NRXN1: variants seen among roughly 807,000 people sequenced by gnomAD.
NRXN1 encodes the protein neurexin-1.
Under a neutral mutation model 150.9 loss-of-function variants are expected in NRXN1, and 39 were observed. The ratio of observed to expected loss-of-function variants is 0.26; its 90% CI spans 0.20 to 0.34. The LOEUF is 0.34. NRXN1 is among the 10% of genes least tolerant of loss of function. The pLI is 1.00. For synonymous variants in NRXN1, 924 were observed against 757.0 expected (o/e 1.22, Z -3.62); for missense variants, 1,815 against 1,949.9 (o/e 0.93, Z 1.30).
intron 15 of NRXN1, among the ~76,000 whole-genome samples, chr2:50,495,380 G>GTGTGGT (rs1262524763): frequency 3.9e-4 from 7 of 17,742 alleles, no homozygotes; most frequent in African/African-American, 9.1e-4. Context: ...GTGTGTGTGT[G>GTGTGGT]GTGTGTGTGT....
At chr2:50,236,097 T>G (rs2065391672) in intron 18 of NRXN1, among the ~76,000 whole-genome samples, 1 of 152,040 alleles carries the variant, frequency 6.6e-6, no homozygotes, top group South Asian at 2.1e-4. Flanking sequence ...TATGGCAACT[T>G]TCAAAGGAAA....
chr2:50,305,596 A>G (rs1405172395), intron 17 of NRXN1, among the ~76,000 whole-genome samples: 1 of 152,228 alleles, frequency 6.6e-6, no homozygotes, highest in African/African-American at 2.4e-5. Context: ...AATACTAAAT[A>G]TCCAATGCCC....
chr2:50,042,983 C>G (rs1691246244), intron 21 of NRXN1, among the ~76,000 whole-genome samples: 1 of 151,916 alleles, frequency 6.6e-6, no homozygotes, highest in African/African-American at 2.4e-5. Context: ...AGTCGCAAAA[C>G]AAGAAAAGGA....
chr2:50,618,706 G>T (rs1029414620), intron 8 of NRXN1, among the ~76,000 whole-genome samples: 1 of 151,242 alleles, frequency 6.6e-6, no homozygotes, highest in Non-Finnish European at 1.5e-5. Context: ...ATTTTGTGAG[G>T]ATTCCTGTAA....
At chr2:50,245,295 C>A (rs2152891328) in intron 17 of NRXN1, among the ~76,000 whole-genome samples, 1 of 151,952 alleles carries the variant, frequency 6.6e-6, no homozygotes, top group East Asian at 1.9e-4. Context: ...TTTTGCCAAT[C>A]AGATCAGAAA....
intron 17 of NRXN1, among the ~76,000 whole-genome samples, chr2:50,274,824 C>T (rs2070220993): frequency 6.6e-6 from 1 of 151,878 alleles, no homozygotes; most frequent in African/African-American, 2.4e-5. Flanking sequence ...GTCGATGTTG[C>T]CTAAATAGAG....
At chr2:50,862,845 C>T (rs768302220) in intron 5 of NRXN1, among the ~76,000 whole-genome samples, 8 of 151,972 alleles carry the variant, frequency 5.3e-5, no homozygotes, top group Non-Finnish European at 7.4e-5. Context: ...AGGATTTGTA[C>T]CATTTGTCTC....
chr2:50,026,120 T>C (rs1688242326), intron 21 of NRXN1, among the ~76,000 whole-genome samples: 1 of 152,200 alleles, frequency 6.6e-6, no homozygotes, highest in African/African-American at 2.4e-5. Context: ...GAAGCAGGAA[T>C]TGCTGATTAT....
At chr2:50,378,692 C>T (rs10165414) in intron 17 of NRXN1, among the ~76,000 whole-genome samples, 36,483 of 152,022 alleles carry the variant, frequency 0.24, 4,668 homozygotes, top group East Asian at 0.43. Flanking sequence ...GAGAAATATA[C>T]AGCAATAAAT....
rs76325943 is a variant in NRXN1, at chr2:50,026,501, A to G, written c.4128+26770T>C. On this transcript the variant is annotated intron_variant, in intron 21 of 22. Coordinates refer to ENST00000401669, the MANE Select transcript of NRXN1 (RefSeq NM_001330078.2). The stretch of plus-strand genomic sequence containing the variant: ...CATCAGATCTGGCAATGTGAGATTT[A>G]TTTAGGGGGAACATTTCATCAATTA... Among the ~76,000 whole-genome samples, 22 of 152,250 alleles carry G rather than the reference A, an allele frequency of 1.4e-4. 1 individual carries two copies. The East Asian group carries it at 3.9e-3, about 27-fold the overall frequency.
chr2:50,547,196 G>C (rs2105313011), intron 9 of NRXN1, among the ~76,000 whole-genome samples: 1 of 152,188 alleles, frequency 6.6e-6, no homozygotes, highest in African/African-American at 2.4e-5. Context: ...GCTTACCCAT[G>C]AATAACCGCT....
intron 21 of NRXN1, among the ~76,000 whole-genome samples, chr2:49,998,210 G>GGT (rs1198459036): frequency 3.3e-5 from 5 of 152,102 alleles, no homozygotes; most frequent in Non-Finnish European, 7.4e-5. Context: ...AAAAGATGAT[G>GGT]GTGTGTTCAT....
intron 17 of NRXN1, among the ~76,000 whole-genome samples, chr2:50,431,547 T>G (rs1192848603): frequency 6.6e-6 from 1 of 152,202 alleles, no homozygotes; most frequent in Non-Finnish European, 1.5e-5. Flanking sequence ...TTTATTTTTA[T>G]TTTTATTTTT....
rs938436748 is a variant in NRXN1 at position 50,690,835 on chromosome 2, A to G, written c.833-67220T>C. Among the ~76,000 whole-genome samples, 9 of 152,190 alleles carry G rather than the reference A, an allele frequency of 5.9e-5. No homozygotes were observed. In the East Asian group the frequency reaches 1.3e-3, roughly 23 times the overall value. On this transcript the variant is annotated intron_variant, in intron 5 of 22. Transcript: ENST00000401669. The stretch of plus-strand genomic sequence containing the variant: ...TTCTCTTCTCCAAACACACACAGAT[A>G]TTAAATAAACCACTCCCCTCCCGGT...
At chr2:50,868,236 C>A (rs1177492036) in intron 5 of NRXN1, among the ~76,000 whole-genome samples, 2 of 138,210 alleles carry the variant, frequency 1.4e-5, no homozygotes, top group Non-Finnish European at 3.1e-5. Context: ...AGAATGAAAT[C>A]ATATATTTTG....
intron 21 of NRXN1, among the ~76,000 whole-genome samples, chr2:50,032,100 AATAAAAATGATAGATATG>A: frequency 6.6e-6 from 1 of 152,108 alleles, no homozygotes; most frequent in African/African-American, 2.4e-5. Flanking sequence ...TTTGGAGAAT[AATAAAAATGATAGATATG>A]CTATTTTACT....
At chr2:50,652,884 T>A (rs1685849981) in intron 5 of NRXN1, among the ~76,000 whole-genome samples, 1 of 152,106 alleles carries the variant, frequency 6.6e-6, no homozygotes, top group African/African-American at 2.4e-5. Flanking sequence ...CCATCCTAGC[T>A]GGCGTGAAGT....
chr2:50,302,391 C>T (rs920362392), intron 17 of NRXN1, among the ~76,000 whole-genome samples: 1 of 152,066 alleles, frequency 6.6e-6, no homozygotes, highest in Non-Finnish European at 1.5e-5. Context: ...TCAATTAATA[C>T]ATAATGGGAG....
At chr2:50,496,264 C>A (rs1453210462) in intron 14 of NRXN1, among the ~76,000 whole-genome samples, 169 bp from the exon 15 acceptor site, 1 of 152,076 alleles carries the variant, frequency 6.6e-6, no homozygotes, top group Non-Finnish European at 1.5e-5. Flanking sequence ...AAACACTATT[C>A]TGTTTCAGCA....
Sources: allele counts gnomAD v4.1 joint callset (sites outside exome capture counted in the v4.1 genomes callset), GRCh38; gene constraint gnomAD v4.1.1; transcripts MANE v1.5; gene names NCBI Gene and HGNC (gene_info 2026-07-23, HGNC 2026-07-21).